The following CNNM2 variants were observed in gnomAD, a reference collection of about 807,000 sequenced individuals.
CNNM2 encodes the protein metal transporter CNNM2.
CNNM2 carries 12 observed loss-of-function variants against 66.9 expected under a neutral mutation model. That is an observed-to-expected ratio of 0.18 (90% CI 0.11 to 0.29). The LOEUF is 0.29. CNNM2 is among the 10% of genes least tolerant of loss of function. The pLI is 1.00. For missense variants in CNNM2, 705 were observed against 1,167.7 expected (o/e 0.60, Z 5.77); for synonymous variants, 557 against 501.8 (o/e 1.11, Z -1.47).
In CNNM2 at chr10:103,076,170, C is replaced by T. The variant is rs1057524606; in HGVS notation, c.2318C>T (p.Pro773Leu). The part of the protein sequence containing the change: ...SRSDRIDAVT[P>L]TLGSSNNQLN... ...AGCGACCGGATTGACGCCGTCACAC[C>T]AACACTGGGGAGCAGCAATAACCAG... The change falls in exon 7 of 8, where the codon CCA becomes CTA. Residue 773 changes from proline (P) to leucine (L), a missense_variant. Pro to Leu is a moderately conservative substitution (Grantham distance 98, BLOSUM62 -3). This residue lies in a region of CNNM2 where 194 missense variants were observed against 227.6 expected (regional missense o/e 0.85). Coordinates refer to ENST00000369878, the MANE Select transcript of CNNM2 (RefSeq NM_017649.5). The T allele has an allele frequency of 1.2e-6, 2 of 1,606,096 alleles. No individual in the cohort carries two copies. The highest frequency in any genetic ancestry group is 1.7e-6 in the Non-Finnish European group (2 of 1,176,408).
At chr10:102,971,691 A>G (rs780642358) in intron 1 of CNNM2, among the ~76,000 whole-genome samples, 28 of 152,116 alleles carry the variant, frequency 1.8e-4, no homozygotes, top group Non-Finnish European at 3.2e-4. Context: ...TAGCAGCTGC[A>G]TGGCCTTTTT....
chr10:102,937,443 C>T (rs1177719239), intron 1 of CNNM2, among the ~76,000 whole-genome samples: 4 of 152,114 alleles, frequency 2.6e-5, no homozygotes, highest in Non-Finnish European at 2.9e-5. Flanking sequence ...AAGCTATAAT[C>T]CCAAGATACC....
chr10:102,939,915 C>G (rs566032677), intron 1 of CNNM2, among the ~76,000 whole-genome samples: 68 of 152,066 alleles, frequency 4.5e-4, no homozygotes, highest in African/African-American at 1.5e-3. Flanking sequence ...CTGCAGTGAT[C>G]TGAGATCGCG....
At chr10:103,053,063 C>T (rs914572903) in intron 2 of CNNM2, among the ~76,000 whole-genome samples, 1 of 152,128 alleles carries the variant, frequency 6.6e-6, no homozygotes, top group Non-Finnish European at 1.5e-5. Context: ...TCTTTAAGCT[C>T]GTTTTTTCTT....
At chr10:103,072,041 C>G (rs779516445) in intron 6 of CNNM2, among the ~76,000 whole-genome samples, 1 of 152,144 alleles carries the variant, frequency 6.6e-6, no homozygotes, top group African/African-American at 2.4e-5. Context: ...TCCAGAACAG[C>G]GCAAAGTCAC....
At chr10:103,023,064 G>A (rs987350824) in intron 1 of CNNM2, among the ~76,000 whole-genome samples, 4 of 151,980 alleles carry the variant, frequency 2.6e-5, no homozygotes, top group Admixed American at 1.3e-4. Context: ...CACCACACTC[G>A]GCTAATTTTT....
At chr10:102,935,894 C>T (rs1278360880) in intron 1 of CNNM2, among the ~76,000 whole-genome samples, 5 of 149,016 alleles carry the variant, frequency 3.4e-5, no homozygotes, top group African/African-American at 4.9e-5. Context: ...GTTGGGATTA[C>T]GATATGAAAT....
chr10:103,054,973 A>G lies in CNNM2; in HGVS notation c.1903+507A>G, dbSNP rs2065273262. Among the ~76,000 whole-genome samples the G allele has an allele frequency of 6.6e-6, 1 of 152,214 alleles. No individual in the cohort carries two copies. The highest frequency in any genetic ancestry group is 6.5e-5 in the Admixed American group (1 of 15,276). ...ACTAGGTTTTCACAATTAAATCTTT[A>G]TCTTTTATGATTTTAATGAAATCAA... On this transcript the variant is annotated intron_variant, in intron 3 of 7. Transcript: ENST00000369878. This position sits in a 1 kb window ranked among gnomAD's most constrained non-coding sequence, Gnocchi z 5.2.
At chr10:103,038,816 G>GTTAT (rs985000348) in intron 1 of CNNM2, among the ~76,000 whole-genome samples, 2 of 152,074 alleles carry the variant, frequency 1.3e-5, no homozygotes, top group African/African-American at 4.8e-5. Flanking sequence ...AATAGCAACA[G>GTTAT]TTATCATTTA....
intron 3 of CNNM2, among the ~76,000 whole-genome samples, chr10:103,055,839 T>C (rs2065285900): frequency 6.6e-6 from 1 of 152,192 alleles, no homozygotes; most frequent in Admixed American, 6.5e-5. Context: ...GGTGGCTCAT[T>C]GCCTGTAATC....
At chr10:103,066,181 C>G (rs2065473657) in intron 4 of CNNM2, among the ~76,000 whole-genome samples, 1 of 152,178 alleles carries the variant, frequency 6.6e-6, no homozygotes. Context: ...CTGGGCCTCC[C>G]TTTTCAGGCT....
intron 1 of CNNM2, among the ~76,000 whole-genome samples, chr10:103,003,715 T>C (rs1225430387): frequency 2.0e-5 from 3 of 151,850 alleles, no homozygotes; most frequent in Non-Finnish European, 4.4e-5. Context: ...TGTGGTTGCA[T>C]TGAGCCAAGA....
chr10:103,044,322 G>A (rs1481337527), intron 1 of CNNM2, among the ~76,000 whole-genome samples: 1 of 152,044 alleles, frequency 6.6e-6, no homozygotes, highest in Non-Finnish European at 1.5e-5. Flanking sequence ...TTATTTGGGA[G>A]GCCCATGTGG....
chr10:103,034,982 A>AT (rs2064906664), intron 1 of CNNM2, among the ~76,000 whole-genome samples: 4 of 145,974 alleles, frequency 2.7e-5, no homozygotes, highest in Admixed American at 6.9e-5. Context: ...CAAAAAAAAA[A>AT]AAAAAAAATC....
rs2065818059 is a variant in CNNM2 at position 103,086,766 on chromosome 10, A to G, written c.*9586A>G. ...TTGCGTTATTATTTTAGGTCTCAGCAGAGGTATGCTTATGGCAAGAGAAAA... is the reference window on the plus strand; with the variant it reads ...TTGCGTTATTATTTTAGGTCTCAGCGGAGGTATGCTTATGGCAAGAGAAAA... On this transcript the variant is annotated 3_prime_UTR_variant, in exon 8 of 8. Transcript: ENST00000369878. 6.6e-6 allele frequency: 1 copy of G among 152,238 alleles called. No homozygotes were observed. The highest frequency in any genetic ancestry group is 6.5e-5 in the Admixed American group (1 of 15,288). The allele number at this position is 152,238 out of a possible 1,614,324, so 9.4% of individuals were successfully genotyped here. A position where few individuals can be genotyped will look rare whatever the true frequency, so the allele number is the denominator to read the frequency against.
chr10:103,083,628 G>T lies in CNNM2; in HGVS notation c.*6448G>T, dbSNP rs2065776918. On this transcript the variant is annotated 3_prime_UTR_variant, in exon 8 of 8. Transcript: ENST00000369878. ...CACAGCCTGGTACAGCCAATCCTAG[G>T]GGGAAGGTGTCCTTCTTTGCAAGGA... The T allele has an allele frequency of 6.6e-6, 1 of 152,224 alleles. No homozygotes were observed. Among genetic ancestry groups the T allele is most frequent in the South Asian group, 2.1e-4 (1 of 4,832 alleles). The allele number at this position is 152,224 out of a possible 1,614,324, so 9.4% of individuals were successfully genotyped here.
At chr10:103,042,348 G>T (rs1192212655) in intron 1 of CNNM2, among the ~76,000 whole-genome samples, 1 of 152,160 alleles carries the variant, frequency 6.6e-6, no homozygotes, top group Non-Finnish European at 1.5e-5. Context: ...CTTTCCCAGG[G>T]CTATTCTCCT....
chr10:102,942,727 A>G (rs781680424), intron 1 of CNNM2, among the ~76,000 whole-genome samples: 1 of 152,216 alleles, frequency 6.6e-6, no homozygotes, highest in Non-Finnish European at 1.5e-5. Context: ...ATTTTTTGAG[A>G]AACTAAATAG....
rs375416482 is a variant in CNNM2 at position 102,918,822 on chromosome 10, G to A, written c.342G>A (p.Thr114=). 1.9e-6 allele frequency: 3 copies of A among 1,595,598 alleles called. No homozygotes were observed. Among genetic ancestry groups the A allele is most frequent in the South Asian group, 1.1e-5 (1 of 88,614 alleles). Reference sequence around the variant, plus strand: ...ACGGGCAGAACATCAATAACGAGACGTGGTCCCGCATCGCCTTCACCGAGC... The same window carrying A: ...ACGGGCAGAACATCAATAACGAGACATGGTCCCGCATCGCCTTCACCGAGC... ...RVYGQNINNE[T]WSRIAFTEHE... is the part of the protein sequence containing the mutation. The change falls in exon 1 of 8, where the codon ACG becomes ACA. Residue 114 remains threonine, a synonymous_variant. Transcript: ENST00000369878. This position sits in a 1 kb window ranked among gnomAD's most constrained non-coding sequence, Gnocchi z 4.1.
Sources: allele counts gnomAD v4.1 joint callset (sites outside exome capture counted in the v4.1 genomes callset), GRCh38; gene constraint gnomAD v4.1.1; regional missense constraint gnomAD v4.1.1; non-coding constraint Gnocchi (gnomAD v3.1); transcripts MANE v1.5; gene names NCBI Gene and HGNC (gene_info 2026-07-23, HGNC 2026-07-21).